RTN1: variants seen among roughly 807,000 people sequenced by gnomAD.
The protein encoded by RTN1 is reticulon 1, also known as reticulon-1.
In RTN1, 25 loss-of-function variants were observed where a neutral mutation model predicts 65.5. The ratio of observed to expected loss-of-function variants is 0.38; its 90% CI spans 0.28 to 0.53. RTN1 has a LOEUF of 0.53. RTN1 is among the 20% of genes least tolerant of loss of function. The pLI is 0.79. For missense variants in RTN1, 983 were observed against 1,025.4 expected (o/e 0.96, Z 0.57); for synonymous variants, 471 against 447.6 (o/e 1.05, Z -0.66).
chr14:59,603,151 C>T lies in RTN1; in HGVS notation c.2230-28G>A, dbSNP rs745652031. On this transcript the variant is annotated intron_variant, in intron 7 of 8. Coordinates refer to ENST00000267484, the MANE Select transcript of RTN1 (RefSeq NM_021136.3). The stretch of plus-strand genomic sequence containing the variant: ...ACATAAAGAAAAAAAAAATAATGAG[C>T]ATATCCAAAGATGATGAGGTCAAAA... 11 of 1,610,998 alleles carry T rather than the reference C, an allele frequency of 6.8e-6. No individual in the cohort carries two copies. The South Asian group carries it at 1.2e-4, about 18-fold the overall frequency.
chr14:59,644,824 G>C (rs1882855823), intron 3 of RTN1, among the ~76,000 whole-genome samples: 3 of 152,106 alleles, frequency 2.0e-5, no homozygotes, highest in Admixed American at 2.0e-4. Flanking sequence ...AAAGTGGCCA[G>C]ACTGCTTCTC....
chr14:59,786,702 T>C (rs891987987), intron 1 of RTN1, among the ~76,000 whole-genome samples: 2 of 152,156 alleles, frequency 1.3e-5, no homozygotes, highest in Non-Finnish European at 2.9e-5. Context: ...AAAGTTACCA[T>C]TAATTTCTGT....
At chr14:59,669,175 A>G (rs1348437665) in intron 3 of RTN1, among the ~76,000 whole-genome samples, 1 of 152,228 alleles carries the variant, frequency 6.6e-6, no homozygotes, top group Non-Finnish European at 1.5e-5. Flanking sequence ...TTGCAGCAAT[A>G]TTCCCAATAG....
intron 1 of RTN1, among the ~76,000 whole-genome samples, chr14:59,818,267 T>A (rs1189886190): frequency 6.6e-6 from 1 of 152,186 alleles, no homozygotes; most frequent in African/African-American, 2.4e-5. Flanking sequence ...ACCCAGTCCA[T>A]CATTGGTGGG....
intron 1 of RTN1, among the ~76,000 whole-genome samples, chr14:59,802,880 C>T (rs74398283): frequency 6.6e-6 from 1 of 152,074 alleles, no homozygotes; most frequent in Non-Finnish European, 1.5e-5. Context: ...AGGTACCAGC[C>T]TTTTGCCTGT....
chr14:59,649,505 T>G (rs1882977803), intron 3 of RTN1, among the ~76,000 whole-genome samples: 1 of 152,030 alleles, frequency 6.6e-6, no homozygotes, highest in Non-Finnish European at 1.5e-5. Flanking sequence ...TTGCAATGTA[T>G]CCATCTAACA....
chr14:59,844,300 C>G (rs1394771219), intron 1 of RTN1, among the ~76,000 whole-genome samples: 1 of 152,202 alleles, frequency 6.6e-6, no homozygotes, highest in East Asian at 1.9e-4. Flanking sequence ...ATGTCCTTAT[C>G]ACAGGTGTGG....
rs979941221 is a variant in RTN1 at position 59,727,205 on chromosome 14, G to A, written c.1479C>T (p.Ser493=). The A allele has an allele frequency of 1.1e-5, 18 of 1,577,856 alleles. No homozygotes were observed. The highest frequency in any genetic ancestry group is 5.4e-5 in the African/African-American group (4 of 74,094). ...TCTCCTCCCGGATGGCATCCAGGGC[G>A]CTGGGCTTCATCGGGGGTGAGTCCT... ...REQDSPPMKP[S]ALDAIREETG... is the part of the protein sequence containing the mutation. The change falls in exon 3 of 9, where the codon AGC becomes AGT. Residue 493 remains serine (S), a synonymous_variant. Transcript: ENST00000267484. This position sits in a 1 kb window ranked among gnomAD's most constrained non-coding sequence, Gnocchi z 4.2.
At chr14:59,687,814 G>A (rs184382684) in intron 3 of RTN1, among the ~76,000 whole-genome samples, 5 of 151,934 alleles carry the variant, frequency 3.3e-5, no homozygotes, top group Admixed American at 2.0e-4. Context: ...CAAGCATTTG[G>A]AGCACCTGCT....
chr14:59,628,976 T>C (rs777147425), intron 3 of RTN1, among the ~76,000 whole-genome samples: 12 of 152,342 alleles, frequency 7.9e-5, no homozygotes, highest in South Asian at 2.1e-4. Flanking sequence ...TTTGATCTTA[T>C]ACCAAGCCAT....
At chr14:59,659,087 T>C (rs531620334) in intron 3 of RTN1, among the ~76,000 whole-genome samples, 4 of 151,450 alleles carry the variant, frequency 2.6e-5, no homozygotes, top group African/African-American at 9.7e-5. Flanking sequence ...TCGTGAAGCA[T>C]ACACAAGTAT....
At chr14:59,675,528 A>G (rs901624932) in intron 3 of RTN1, among the ~76,000 whole-genome samples, 3 of 149,662 alleles carry the variant, frequency 2.0e-5, no homozygotes, top group Non-Finnish European at 4.4e-5. Context: ...TTCATTTAAC[A>G]CTCACAATTA....
intron 1 of RTN1, among the ~76,000 whole-genome samples, chr14:59,789,622 T>G (rs950624949): frequency 6.6e-6 from 1 of 152,098 alleles, no homozygotes; most frequent in Non-Finnish European, 1.5e-5. Flanking sequence ...TCCTTAGACA[T>G]CAAAAATTTG....
At chr14:59,740,711 G>C (rs1482083717) in intron 2 of RTN1, among the ~76,000 whole-genome samples, 5 of 152,172 alleles carry the variant, frequency 3.3e-5, no homozygotes, top group Admixed American at 6.5e-5. Context: ...AGCTCCTATA[G>C]ATACTGCCCT....
chr14:59,703,204 C>CAT (rs1020667101), intron 3 of RTN1, among the ~76,000 whole-genome samples: 2 of 152,096 alleles, frequency 1.3e-5, no homozygotes, highest in African/African-American at 4.8e-5. Flanking sequence ...ATATAATTTG[C>CAT]ATATATATTA....
chr14:59,819,363 G>A (rs907557967), intron 1 of RTN1, among the ~76,000 whole-genome samples: 6 of 124,140 alleles, frequency 4.8e-5, no homozygotes, highest in African/African-American at 1.9e-4. Context: ...TTTACAGAGA[G>A]CCGATTGGTC....
chr14:59,705,021 T>C (rs1440297387), intron 3 of RTN1, among the ~76,000 whole-genome samples: 1 of 152,216 alleles, frequency 6.6e-6, no homozygotes, highest in East Asian at 1.9e-4. Flanking sequence ...AAAAAGTTTA[T>C]ATATAATAAG....
At position 59,766,514 on chromosome 14, in the gene RTN1, G is replaced by A. The variant is rs558466384; in HGVS notation, c.242-20033C>T. On this transcript the variant is annotated intron_variant, in intron 1 of 8. Coordinates refer to ENST00000267484, the MANE Select transcript of RTN1 (RefSeq NM_021136.3). The surrounding 1 kb of genome is among the most constrained non-coding windows in gnomAD (Gnocchi z 4.4). Reference sequence around the variant, plus strand: ...TCTTATATCTGGGGAAGAAACTAGGGGTTCAAATAGAGCTATCCAGTTACC... The same window carrying A: ...TCTTATATCTGGGGAAGAAACTAGGAGTTCAAATAGAGCTATCCAGTTACC... 5.9e-5 allele frequency among the ~76,000 whole-genome samples: 9 copies of A among 152,186 alleles called. No homozygotes were observed. The highest frequency in any genetic ancestry group is 1.9e-4 in the African/African-American group (8 of 41,522).
chr14:59,610,179 C>T (rs1358810918), intron 3 of RTN1: 3 of 761,978 alleles, frequency 3.9e-6, no homozygotes, highest in East Asian at 2.5e-5. Flanking sequence ...CAGGAGGCCA[C>T]CTGCTCAAGA....
Sources: gnomAD v4.1 joint callset for allele counts (sites outside exome capture counted in the v4.1 genomes callset) on GRCh38, gnomAD v4.1.1 for gene constraint, Gnocchi (gnomAD v3.1) non-coding constraint, MANE v1.5 for transcripts, NCBI Gene and HGNC (gene_info 2026-07-23, HGNC 2026-07-21) for gene names.